Variants in DPP6 observed in about 807,000 individuals in gnomAD.
DPP6 encodes A-type potassium channel modulatory protein DPP6.
DPP6 carries 69 observed loss-of-function variants against 122.6 expected under a neutral mutation model. That is an observed-to-expected ratio of 0.56 (90% CI 0.46 to 0.69). The LOEUF (loss-of-function observed/expected upper bound fraction) is 0.69. Ranked by LOEUF, DPP6 falls within the 30% of genes least tolerant of loss-of-function variation. The pLI, the probability that DPP6 is intolerant of heterozygous loss-of-function variation, is 0.00. For missense variants in DPP6, 928 were observed against 1,116.9 expected, an observed-to-expected ratio of 0.83 and a Z score of 2.41; for synonymous variants, 418 against 433.1, an observed-to-expected ratio of 0.97 and a Z score of 0.43.
chr7:154,412,692 A>C (rs769176761), intron 1 of DPP6, among the ~76,000 whole-genome samples: 12 of 152,040 alleles, frequency 7.9e-5, no homozygotes, highest in Non-Finnish European at 1.6e-4. Context: ...CAACTTTAGA[A>C]ATCTTTTGAA....
At chr7:154,040,822 G>A (rs1799723316) in intron 1 of DPP6, among the ~76,000 whole-genome samples, 1 of 151,482 alleles carries the variant, frequency 6.6e-6, no homozygotes, top group East Asian at 1.9e-4. Context: ...TAGCCTGCGT[G>A]CTACATGGCC....
chr7:154,818,248 C>G (rs1365270437), intron 16 of DPP6, among the ~76,000 whole-genome samples: 1 of 152,156 alleles, frequency 6.6e-6, no homozygotes, highest in African/African-American at 2.4e-5. Context: ...GTCATGGAAA[C>G]TCTCCTGAGG....
the DPP6 span, among the ~76,000 whole-genome samples, chr7:153,811,782 T>C: frequency 2.0e-5 from 3 of 152,226 alleles, no homozygotes; most frequent in African/African-American, 7.2e-5. Context: ...CTTATGCACC[T>C]GCTGTGTTTT....
intron 5 of DPP6, among the ~76,000 whole-genome samples, chr7:154,631,248 GGA>G: frequency 6.6e-6 from 1 of 152,318 alleles, no homozygotes; most frequent in East Asian, 1.9e-4. Flanking sequence ...TGCAGCAGCA[GGA>G]GAGAAAGGTG....
At chr7:154,493,386 G>A (rs758144361) in intron 3 of DPP6, among the ~76,000 whole-genome samples, 3 of 152,210 alleles carry the variant, frequency 2.0e-5, no homozygotes, top group Non-Finnish European at 2.9e-5. Context: ...GGTTCAGTGA[G>A]ACTGAGACCC....
At chr7:154,185,051 T>TTCAGACTCTCTAGTCTC (rs1263293712) in intron 1 of DPP6, among the ~76,000 whole-genome samples, 1 of 152,212 alleles carries the variant, frequency 6.6e-6, no homozygotes, top group African/African-American at 2.4e-5. Context: ...TATGTTTTCC[T>TTCAGACTCTCTAGTCTC]TCAGACTCTC....
intron 1 of DPP6, among the ~76,000 whole-genome samples, chr7:154,020,088 T>G (rs1183937318): frequency 6.6e-6 from 1 of 150,920 alleles, no homozygotes; most frequent in African/African-American, 2.4e-5. Flanking sequence ...AAATAAAACT[T>G]TCCAGAATTT....
intron 1 of DPP6, among the ~76,000 whole-genome samples, chr7:154,064,936 C>A (rs529701120): frequency 1.4e-4 from 22 of 152,284 alleles, no homozygotes; most frequent in African/African-American, 5.3e-4. Flanking sequence ...AGTGGTTCTG[C>A]AGACCTTGCA....
intron 2 of DPP6, among the ~76,000 whole-genome samples, chr7:154,467,458 ACCTC>A (rs1303406359): frequency 4.6e-5 from 7 of 151,624 alleles, no homozygotes; most frequent in African/African-American, 1.7e-4. Flanking sequence ...AGTGCGTAGC[ACCTC>A]CCTCTTTGCT....
At chr7:154,783,489 G>A (rs564964263) in intron 10 of DPP6, among the ~76,000 whole-genome samples, 54 of 152,252 alleles carry the variant, frequency 3.5e-4, no homozygotes, top group Admixed American at 3.9e-4. Context: ...GCATTATTGC[G>A]GCTCGCTGAG....
chr7:154,558,366 A>G (rs1830190689), intron 4 of DPP6, among the ~76,000 whole-genome samples: 1 of 152,190 alleles, frequency 6.6e-6, no homozygotes, highest in African/African-American at 2.4e-5. Context: ...AAGTATTCCC[A>G]GAGCTCATAT....
rs1360802616 is a variant in DPP6, at chr7:154,883,858, TGATTAC to T, written c.2134-1774_2134-1769del. 2.3e-3 allele frequency: 149 copies of T among 64,438 alleles called. 1 individual carries two copies. Among genetic ancestry groups the T allele is most frequent in the Middle Eastern group, 0.015 (1 of 68 alleles). 4.0% of individuals were successfully genotyped at this position (64,438 alleles called of 1,614,324 possible). A position where few individuals can be genotyped will look rare whatever the true frequency, so the allele number is the denominator to read the frequency against. On this transcript the variant is annotated intron_variant, in intron 21 of 25. Transcript: ENST00000377770. ...GCTCACCCATACACACATGCTCACATGATTACACATGCTCCCACATACATACATGCT... is the reference window on the plus strand; with the variant it reads ...GCTCACCCATACACACATGCTCACATACATGCTCCCACATACATACATGCT...
chr7:154,443,521 TGGATGGATG>T (rs1819568106), intron 1 of DPP6, among the ~76,000 whole-genome samples: 1 of 143,904 alleles, frequency 6.9e-6, no homozygotes, highest in Non-Finnish European at 1.5e-5. Flanking sequence ...GATGGATGGA[TGGATGGATG>T]GATGGATGGA....
At chr7:153,881,742 G>C in the DPP6 span, among the ~76,000 whole-genome samples, 1 of 152,090 alleles carries the variant, frequency 6.6e-6, no homozygotes, top group Non-Finnish European at 1.5e-5. Flanking sequence ...CCAGGTGATA[G>C]TGTACTGAAC....
intron 8 of DPP6, among the ~76,000 whole-genome samples, chr7:154,747,760 C>T (rs561407101): frequency 1.3e-5 from 2 of 152,252 alleles, no homozygotes; most frequent in South Asian, 4.2e-4. Context: ...GCTGCTCCCC[C>T]AGCCTCAGCA....
At chr7:154,862,610 C>T (rs1803503860) in intron 17 of DPP6, among the ~76,000 whole-genome samples, 1 of 152,226 alleles carries the variant, frequency 6.6e-6, no homozygotes, top group African/African-American at 2.4e-5. Flanking sequence ...TTCGCTGCCA[C>T]CCAGCAGCTC....
At chr7:154,616,883 A>G (rs868747189) in intron 5 of DPP6, among the ~76,000 whole-genome samples, 2 of 152,178 alleles carry the variant, frequency 1.3e-5, no homozygotes, top group Admixed American at 6.5e-5. Context: ...TAAAAATATT[A>G]TTTTATCCAG....
intron 7 of DPP6, among the ~76,000 whole-genome samples, chr7:154,712,412 C>T (rs1841242791): frequency 6.6e-6 from 1 of 152,142 alleles, no homozygotes; most frequent in Non-Finnish European, 1.5e-5. Context: ...TTAGAAAATT[C>T]ACCAAGAAAG....
intron 1 of DPP6, among the ~76,000 whole-genome samples, chr7:154,070,514 G>T (rs561451958): frequency 1.4e-4 from 22 of 152,248 alleles, no homozygotes; most frequent in African/African-American, 5.3e-4. Context: ...ATAGGCAAAA[G>T]GCTTGCCTCT....
Sources: gnomAD v4.1 joint callset for allele counts (sites outside exome capture counted in the v4.1 genomes callset) on GRCh38, gnomAD v4.1.1 for gene constraint, MANE v1.5 for transcripts, NCBI Gene and HGNC (gene_info 2026-07-23, HGNC 2026-07-21) for gene names.